The following PALD1 variants were observed in gnomAD, a reference collection of about 807,000 sequenced individuals.
PALD1 encodes the protein paladin.
Under a neutral mutation model 96.0 loss-of-function variants are expected in PALD1, and 57 were observed. The ratio of observed to expected loss-of-function variants is 0.59; its 90% confidence interval spans 0.48 to 0.74. The LOEUF (loss-of-function observed/expected upper bound fraction) is 0.74, where lower values mean the gene tolerates loss of function less well. PALD1 is among the 30% of genes least tolerant of loss of function. PALD1 has a pLI of 0.00. For missense variants in PALD1, 1,063 were observed against 1,143.7 expected, an observed-to-expected ratio of 0.93 and a Z score of 1.02; for synonymous variants, 464 against 473.6, an observed-to-expected ratio of 0.98 and a Z score of 0.26.
At chr10:70,474,900 T>C (rs774812542), upstream of PALD1, among the ~76,000 whole-genome samples, 1 of 152,072 alleles carries the variant, frequency 6.6e-6, no homozygotes, top group Non-Finnish European at 1.5e-5. Flanking sequence ...AGAGATCCCA[T>C]GGGCAGATAG....
chr10:70,552,516 A>G (rs1299353245), intron 18 of PALD1, among the ~76,000 whole-genome samples: 1 of 152,162 alleles, frequency 6.6e-6, no homozygotes, highest in African/African-American at 2.4e-5. Flanking sequence ...CAGAGAGCAT[A>G]ATTTCCTCAG....
chr10:70,559,170 A>G (rs10823572), intron 18 of PALD1, among the ~76,000 whole-genome samples: 76,664 of 151,878 alleles, frequency 0.5, 20,629 homozygotes, highest in Middle Eastern at 0.66. Context: ...GAGGGCTTGC[A>G]GTGAGGGGTG....
intron 10 of PALD1, among the ~76,000 whole-genome samples, chr10:70,536,807 C>CCACTTGAATCTCACTTGAAT (rs1355542313): frequency 2.6e-5 from 4 of 152,204 alleles, no homozygotes; most frequent in African/African-American, 9.6e-5. Flanking sequence ...TTCTTTAGGG[C>CCACTTGAATCTCACTTGAAT]CTCTGTGAAT....
At chr10:70,474,684 A>T (rs1231825515), upstream of PALD1, among the ~76,000 whole-genome samples, 1 of 151,596 alleles carries the variant, frequency 6.6e-6, no homozygotes, top group African/African-American at 2.4e-5. Flanking sequence ...GGGTCTTGAT[A>T]AAAAAAAGGT....
intron 2 of PALD1, 45 bp from the exon 3 acceptor site, chr10:70,529,184 G>T (rs1846934885): frequency 2.7e-6 from 2 of 742,646 alleles, no homozygotes; most frequent in Admixed American, 4.1e-5. Context: ...GACCAAGGAG[G>T]TTGCTTGACT....
chr10:70,459,414 CG>C, the PALD1 span, among the ~76,000 whole-genome samples: 1 of 152,158 alleles, frequency 6.6e-6, no homozygotes. Flanking sequence ...AGCCCCCTCC[CG>C]CGACAGTAGG....
chr10:70,462,691 G>A, the PALD1 span, among the ~76,000 whole-genome samples: 1 of 152,224 alleles, frequency 6.6e-6, no homozygotes, highest in Non-Finnish European at 1.5e-5. Flanking sequence ...GATGCCTTGT[G>A]CCCCCCTGGC....
chr10:70,534,898 G>A, intron 10 of PALD1, 55 bp downstream of exon 10: 2 of 1,144,724 alleles, frequency 1.7e-6, no homozygotes, highest in Non-Finnish European at 2.6e-6. Flanking sequence ...CCTGCAGCCT[G>A]ATTTCATTAG....
At chr10:70,525,427 G>A (rs777634367) in intron 1 of PALD1, among the ~76,000 whole-genome samples, 9 of 151,776 alleles carry the variant, frequency 5.9e-5, no homozygotes, top group South Asian at 4.2e-4. Context: ...TATGACATTC[G>A]TGGCTATATG....
upstream of PALD1, among the ~76,000 whole-genome samples, chr10:70,474,682 A>AT (rs539364577): frequency 2.0e-5 from 3 of 152,292 alleles, no homozygotes; most frequent in South Asian, 6.2e-4. Flanking sequence ...TTGGGTCTTG[A>AT]TAAAAAAAAG....
At chr10:70,517,113 C>T (rs1265986716) in intron 1 of PALD1, among the ~76,000 whole-genome samples, 1 of 152,088 alleles carries the variant, frequency 6.6e-6, no homozygotes, top group Non-Finnish European at 1.5e-5. Context: ...TTAACTTTCG[C>T]AACTACCCCA....
the PALD1 span, among the ~76,000 whole-genome samples, chr10:70,461,005 A>C: frequency 6.6e-6 from 1 of 152,190 alleles, no homozygotes; most frequent in Non-Finnish European, 1.5e-5. Flanking sequence ...CAGTGAGCTG[A>C]GATCGTGTCA....
intron 1 of PALD1, among the ~76,000 whole-genome samples, chr10:70,521,879 G>T (rs1012809605): frequency 6.6e-6 from 1 of 151,756 alleles, no homozygotes; most frequent in African/African-American, 2.4e-5. Flanking sequence ...GAAGCCCATG[G>T]ACTCCTTCTC....
intron 1 of PALD1, among the ~76,000 whole-genome samples, chr10:70,515,681 C>T (rs887957775): frequency 6.6e-6 from 1 of 152,184 alleles, no homozygotes; most frequent in Non-Finnish European, 1.5e-5. Flanking sequence ...TTGCTCTGCA[C>T]ACATTCACTG....
In PALD1 at chr10:70,510,477, C is replaced by A. The variant is rs866756561; in HGVS notation, c.-29-15446C>A. On this transcript the variant is annotated intron_variant, in intron 1 of 19. Coordinates refer to ENST00000263563, the MANE Select transcript of PALD1 (RefSeq NM_014431.3). ...CTTAACCCTATTCTCCCTGGGCCCC[C>A]CTCCCTAAGGCATTTGCCCCCAACA... 2.0e-5 allele frequency among the ~76,000 whole-genome samples: 3 copies of A among 152,302 alleles called. No individual in the cohort carries two copies. The Middle Eastern group carries it at 0.01, about 518-fold the overall frequency.
intron 17 of PALD1, among the ~76,000 whole-genome samples, chr10:70,545,796 G>A (rs1402724753): frequency 6.6e-6 from 1 of 151,992 alleles, no homozygotes; most frequent in East Asian, 1.9e-4. Flanking sequence ...CGCAGTGGCT[G>A]GGGGCTGCTG....
chr10:70,461,697 G>A, the PALD1 span, among the ~76,000 whole-genome samples: 7 of 152,368 alleles, frequency 4.6e-5, no homozygotes, highest in South Asian at 1.4e-3. Flanking sequence ...AGATGTGGGA[G>A]CCAGGCCATG....
chr10:70,545,746 G>A (rs1847348934), intron 17 of PALD1, among the ~76,000 whole-genome samples: 1 of 151,866 alleles, frequency 6.6e-6, no homozygotes, highest in Admixed American at 6.6e-5. Flanking sequence ...CTGGGGTGGG[G>A]AATTATATCA....
intron 10 of PALD1, among the ~76,000 whole-genome samples, chr10:70,536,641 T>C (rs950737425): frequency 2.0e-5 from 3 of 152,178 alleles, no homozygotes; most frequent in African/African-American, 7.2e-5. Context: ...CCACGACTGC[T>C]CTTATGCTGG....
Sources: gnomAD v4.1 joint callset for allele counts (sites outside exome capture counted in the v4.1 genomes callset) on GRCh38, gnomAD v4.1.1 for gene constraint, MANE v1.5 for transcripts, NCBI Gene and HGNC (gene_info 2026-07-23, HGNC 2026-07-21) for gene names.